QDPR: variants seen among roughly 807,000 people sequenced by gnomAD.
QDPR encodes quinoid dihydropteridine reductase, also known as dihydropteridine reductase.
In QDPR, 23 loss-of-function variants were observed where a neutral mutation model predicts 31.7. The observed-to-expected ratio is 0.73, with a 90% CI of 0.52 to 1.03. The LOEUF (loss-of-function observed/expected upper bound fraction) is 1.03, where lower values mean the gene tolerates loss of function less well. Ranked by LOEUF, QDPR falls within the 50% of genes least tolerant of loss-of-function variation. The pLI, the probability that QDPR is intolerant of heterozygous loss-of-function variation, is 0.00. For synonymous variants in QDPR, 124 were observed against 124.7 expected, an observed-to-expected ratio of 0.99 and a Z score of 0.03; for missense variants, 324 against 323.8, an observed-to-expected ratio of 1.00 and a Z score of 0.00.
intron 5 of QDPR, among the ~76,000 whole-genome samples, chr4:17,491,501 C>T (rs1316996602): frequency 1.3e-5 from 2 of 152,184 alleles, no homozygotes; most frequent in Non-Finnish European, 2.9e-5. Context: ...GACAGTCCCC[C>T]GATGACCAAC....
chr4:17,508,740 A>C (rs552824680), intron 2 of QDPR, among the ~76,000 whole-genome samples: 1 of 148,714 alleles, frequency 6.7e-6, no homozygotes, highest in Non-Finnish European at 1.5e-5. Flanking sequence ...ATAGGCCAAA[A>C]TGTTAACAGT....
chr4:17,493,324 A>G (rs997240753), intron 4 of QDPR, among the ~76,000 whole-genome samples: 2 of 152,024 alleles, frequency 1.3e-5, no homozygotes, highest in Non-Finnish European at 2.9e-5. Flanking sequence ...GGTCCCGGCT[A>G]CTCGGGAGGC....
chr4:17,497,006 C>T (rs1384488675), intron 4 of QDPR, among the ~76,000 whole-genome samples: 3 of 152,140 alleles, frequency 2.0e-5, no homozygotes, highest in Non-Finnish European at 2.9e-5. Context: ...GCTGTGGCCT[C>T]CCAAAGTGCT....
intron 6 of QDPR, 140 bp downstream of exon 6, chr4:17,490,522 T>G (rs731437): frequency 4.3e-6 from 3 of 689,802 alleles, no homozygotes; most frequent in South Asian, 3.0e-5. Context: ...TGATGTGCAA[T>G]GCATCCTCAG....
rs975798448 is a variant in QDPR, at chr4:17,486,776, A to C, written c.*355T>G. 1.4e-5 allele frequency: 4 copies of C among 285,504 alleles called. No individual in the cohort carries two copies. The highest frequency in any genetic ancestry group is 4.5e-5 in the Admixed American group (1 of 22,058). The allele number at this position is 285,504 out of a possible 1,614,324, so 17.7% of individuals were successfully genotyped here. On this transcript the variant is annotated 3_prime_UTR_variant, in exon 7 of 7. Transcript: ENST00000281243. ...ATAACTCAGCCTTTAAAATGTCCCC[A>C]ATACCAACAAATCAACAAAGTAGTC...
chr4:17,487,675 A>G (rs1718016043), intron 6 of QDPR, among the ~76,000 whole-genome samples: 1 of 151,158 alleles, frequency 6.6e-6, no homozygotes, highest in African/African-American at 2.4e-5. Context: ...AATAAAAGCC[A>G]CTAAAGGTCA....
intron 6 of QDPR, among the ~76,000 whole-genome samples, chr4:17,488,554 C>T (rs1412492968): frequency 5.9e-5 from 9 of 152,134 alleles, no homozygotes; most frequent in Admixed American, 5.2e-4. Flanking sequence ...GTCAAAAAGA[C>T]CCTCTAAGAA....
chr4:17,508,607 C>A (rs947698381), intron 2 of QDPR, among the ~76,000 whole-genome samples: 1 of 145,558 alleles, frequency 6.9e-6, no homozygotes, highest in Admixed American at 6.9e-5. Context: ...GAGGTTTTTT[C>A]AGTAATCTGG....
intron 6 of QDPR, among the ~76,000 whole-genome samples, chr4:17,488,221 A>T (rs1163919464): frequency 1.3e-5 from 2 of 151,868 alleles, no homozygotes; most frequent in African/African-American, 2.4e-5. Flanking sequence ...TGATCGTGAC[A>T]CTGCACTCCA....
intron 4 of QDPR, among the ~76,000 whole-genome samples, chr4:17,497,772 A>C (rs1248651807): frequency 2.0e-5 from 3 of 152,170 alleles, no homozygotes; most frequent in Non-Finnish European, 2.9e-5. Context: ...CAGATGCCTA[A>C]AAATATTTCT....
intron 4 of QDPR, among the ~76,000 whole-genome samples, chr4:17,500,845 C>T (rs556393097): frequency 2.0e-5 from 3 of 152,174 alleles, no homozygotes; most frequent in African/African-American, 7.2e-5. Flanking sequence ...TGCACAAACC[C>T]AGACAAGTTA....
intron 6 of QDPR, 45 bp from the exon 7 acceptor site, chr4:17,487,281 A>T: frequency 7.0e-7 from 1 of 1,429,038 alleles, no homozygotes; most frequent in Non-Finnish European, 9.8e-7. Flanking sequence ...CAAAGCAAAA[A>T]TCTGGGCACA....
intron 2 of QDPR, among the ~76,000 whole-genome samples, chr4:17,507,028 T>G (rs1718810822): frequency 1.3e-5 from 2 of 152,224 alleles, no homozygotes; most frequent in African/African-American, 4.8e-5. Flanking sequence ...CTTTTCTTTT[T>G]GCTTATTTGT....
chr4:17,493,953 T>C (rs976551059), intron 4 of QDPR, among the ~76,000 whole-genome samples: 1 of 151,966 alleles, frequency 6.6e-6, no homozygotes, highest in Admixed American at 6.5e-5. Flanking sequence ...AGGAATAGAG[T>C]ACTTAATTGT....
intron 2 of QDPR, among the ~76,000 whole-genome samples, chr4:17,505,781 A>G (rs542958922): frequency 6.6e-6 from 1 of 152,304 alleles, no homozygotes; most frequent in East Asian, 1.9e-4. Flanking sequence ...CAGTTTCATG[A>G]CAAAACTGAA....
chr4:17,506,840 C>G (rs933834387), intron 2 of QDPR, among the ~76,000 whole-genome samples: 7 of 152,136 alleles, frequency 4.6e-5, no homozygotes, highest in African/African-American at 1.7e-4. Context: ...AGTCATCTGG[C>G]TTTTACATTC....
intron 1 of QDPR, chr4:17,510,041 A>G: frequency 2.2e-6 from 1 of 445,658 alleles, no homozygotes. Flanking sequence ...GTTCCAATAA[A>G]TCTTCAGAGC....
At chr4:17,508,925 A>G (rs979477868) in intron 2 of QDPR, among the ~76,000 whole-genome samples, 11 of 152,146 alleles carry the variant, frequency 7.2e-5, no homozygotes, top group South Asian at 2.1e-4. Flanking sequence ...TTGGGAGGCT[A>G]AGGCGGGCGG....
At chr4:17,490,786 T>C (rs1259882469) in intron 5 of QDPR, 41 bp from the exon 6 acceptor site, 1 of 1,545,312 alleles carries the variant, frequency 6.5e-7, no homozygotes, top group Non-Finnish European at 8.9e-7. Context: ...ATGTCGCTCC[T>C]TTCTAACAAC....
Sources: gnomAD v4.1 joint callset for allele counts (sites outside exome capture counted in the v4.1 genomes callset) on GRCh38, gnomAD v4.1.1 for gene constraint, MANE v1.5 for transcripts, NCBI Gene and HGNC (gene_info 2026-07-23, HGNC 2026-07-21) for gene names.